Variants in FCRL1 observed in about 807,000 individuals in gnomAD.
The protein encoded by FCRL1 is Fc receptor like 1, also known as Fc receptor-like protein 1.
FCRL1 carries 34 observed loss-of-function variants against 49.2 expected under a neutral mutation model. That is an observed-to-expected ratio of 0.69 (90% CI 0.53 to 0.92). FCRL1 has a LOEUF of 0.92. FCRL1 is among the 40% of genes least tolerant of loss of function. The probability of loss-of-function intolerance (pLI) is 0.00; values close to 1 mark genes in which losing one functional copy is unlikely to be tolerated. For synonymous variants in FCRL1, 218 were observed against 201.6 expected (o/e 1.08, Z -0.69); for missense variants, 524 against 524.1 (o/e 1.00, Z 0.00).
At chr1:157,806,809 G>A (rs1022846784) in intron 2 of FCRL1, 16 of 308,424 alleles carry the variant, frequency 5.2e-5, no homozygotes, top group Non-Finnish European at 9.6e-5. Context: ...TGTGCAAACA[G>A]TGTCTCCCTC....
rs577000574 is a variant in FCRL1, at chr1:157,813,590, A to G, written c.31+6417T>C. Among the ~76,000 whole-genome samples, 1,024 of 152,260 alleles carry G rather than the reference A, an allele frequency of 6.7e-3. 6 individuals carry two copies. Among genetic ancestry groups the G allele is most frequent in the African/African-American group, 0.022 (901 of 41,564 alleles). ...AAAGTGAAGAAAGCCTACAGGACTT[A>G]TGGGACACCATTAAGTGGGCAAATA... On this transcript the variant is annotated intron_variant, in intron 1 of 10. Transcript: ENST00000368176.
intron 2 of FCRL1, among the ~76,000 whole-genome samples, chr1:157,804,842 G>C (rs890569318): frequency 6.7e-6 from 1 of 149,846 alleles, no homozygotes; most frequent in Non-Finnish European, 1.5e-5. Context: ...GGGTGTTAGG[G>C]GCTCTTTTCT....
At chr1:157,814,454 A>G (rs1196160832) in intron 1 of FCRL1, among the ~76,000 whole-genome samples, 1 of 152,016 alleles carries the variant, frequency 6.6e-6, no homozygotes, top group East Asian at 1.9e-4. Flanking sequence ...GAAAAAACTG[A>G]CAGCAGATAC....
intron 1 of FCRL1, among the ~76,000 whole-genome samples, chr1:157,813,218 A>G (rs548020780): frequency 2.0e-5 from 3 of 152,370 alleles, no homozygotes; most frequent in South Asian, 2.1e-4. Flanking sequence ...GCGAGAAAAC[A>G]TGACACCAAT....
Position 157,794,492 on chromosome 1 carries a change from G to C in FCRL1, c.*1607C>G, listed in dbSNP as rs891774638. 5.3e-5 allele frequency: 8 copies of C among 152,198 alleles called. No homozygotes were observed. Among genetic ancestry groups the C allele is most frequent in the African/African-American group, 1.9e-4 (8 of 41,516 alleles). The allele number at this position is 152,198 out of a possible 1,614,324, so 9.4% of individuals were successfully genotyped here. A position where few individuals can be genotyped will look rare whatever the true frequency, so the allele number is the denominator to read the frequency against. ...ACAAACTGATTTCCCAGACGTTGTT[G>C]GTGAAGATATAAATTGATACAGCCT... On this transcript the variant is annotated 3_prime_UTR_variant, in exon 11 of 11. Transcript: ENST00000368176.
At chr1:157,800,166 A>AT (rs1652207029) in intron 6 of FCRL1, 81 bp from the exon 7 acceptor site, 3 of 1,372,048 alleles carry the variant, frequency 2.2e-6, no homozygotes, top group Admixed American at 1.7e-5. Flanking sequence ...TACCCCCTGC[A>AT]CAGGGATATG....
rs976063661 is a variant in FCRL1 at position 157,819,932 on chromosome 1, G to A, written c.31+75C>T. 13 of 1,565,958 alleles carry A rather than the reference G, an allele frequency of 8.3e-6. No homozygotes were observed. In the African/African-American group the frequency reaches 1.5e-4, roughly 18 times the overall value. On this transcript the variant is annotated intron_variant, in intron 1 of 10. Coordinates refer to ENST00000368176, the MANE Select transcript of FCRL1 (RefSeq NM_052938.5). ...CCTGACAGAACCTTAGTCCTAAGAA[G>A]TCCTTACAGCCCTTCAGGAAGCAGA...
intron 6 of FCRL1, among the ~76,000 whole-genome samples, chr1:157,800,370 G>T (rs532182415): frequency 1.3e-5 from 2 of 152,250 alleles, no homozygotes; most frequent in East Asian, 3.9e-4. Flanking sequence ...GTATGTTTTG[G>T]TTTTGTTTTA....
chr1:157,816,918 A>G (rs113306397), intron 1 of FCRL1, among the ~76,000 whole-genome samples: 1,575 of 152,060 alleles, frequency 0.01, 9 homozygotes, highest in Non-Finnish European at 0.017. Flanking sequence ...ATAGTTATAA[A>G]ATAATAAAAT....
intron 1 of FCRL1, among the ~76,000 whole-genome samples, chr1:157,813,637 C>G (rs1315018447): frequency 6.6e-6 from 1 of 151,858 alleles, no homozygotes; most frequent in African/African-American, 2.4e-5. Flanking sequence ...AGAGTACTAG[C>G]AGAAAAAGAT....
intron 1 of FCRL1, among the ~76,000 whole-genome samples, chr1:157,810,300 CTTTTT>C (rs546970268): frequency 6.8e-6 from 1 of 146,164 alleles, no homozygotes; most frequent in African/African-American, 2.5e-5. Context: ...TTTCTTTTTT[CTTTTT>C]TTTTTTTTTA....
intron 1 of FCRL1, among the ~76,000 whole-genome samples, chr1:157,811,510 A>C (rs1446200300): frequency 6.6e-6 from 1 of 152,214 alleles, no homozygotes; most frequent in African/African-American, 2.4e-5. Context: ...GGACACCAGC[A>C]GTCTTTGTTG....
intron 1 of FCRL1, among the ~76,000 whole-genome samples, chr1:157,814,486 A>G (rs1177513345): frequency 6.6e-6 from 1 of 152,052 alleles, no homozygotes; most frequent in Non-Finnish European, 1.5e-5. Flanking sequence ...AGAGAAAGGA[A>G]TCAAAGCCTA....
At chr1:157,803,285 G>A (rs998775150) in intron 3 of FCRL1, among the ~76,000 whole-genome samples, 1 of 152,160 alleles carries the variant, frequency 6.6e-6, no homozygotes, top group Non-Finnish European at 1.5e-5. Flanking sequence ...TTGCTTCATG[G>A]CACGACAGAA....
chr1:157,796,261 C>T (rs1651457710), intron 10 of FCRL1, 91 bp from the exon 11 acceptor site: 1 of 1,016,912 alleles, frequency 9.8e-7, no homozygotes, highest in Non-Finnish European at 1.5e-6. Flanking sequence ...TGCATCTTAT[C>T]ATGGCACATC....
At chr1:157,797,732 C>G (rs950468393) in intron 9 of FCRL1, 136 bp downstream of exon 9, 6 of 1,565,040 alleles carry the variant, frequency 3.8e-6, no homozygotes, top group Non-Finnish European at 5.2e-6. Flanking sequence ...CCAAGGACAG[C>G]CATTAAGTAC....
At chr1:157,805,139 G>A (rs1340321060) in intron 2 of FCRL1, among the ~76,000 whole-genome samples, 2 of 152,202 alleles carry the variant, frequency 1.3e-5, no homozygotes, top group Non-Finnish European at 2.9e-5. Flanking sequence ...GAGTACAGGT[G>A]TGAGCCACCA....
chr1:157,795,421 G>A lies in FCRL1; in HGVS notation c.*678C>T, dbSNP rs1352913155. On this transcript the variant is annotated 3_prime_UTR_variant, in exon 11 of 11. Coordinates refer to ENST00000368176, the MANE Select transcript of FCRL1 (RefSeq NM_052938.5). ...ATTACCACGATTTCAAAAATTTTGTGAATAAAAGAAGACACACTGTATTTA... is the reference window on the plus strand; with the variant it reads ...ATTACCACGATTTCAAAAATTTTGTAAATAAAAGAAGACACACTGTATTTA... 6.6e-6 allele frequency: 1 copy of A among 152,092 alleles called. No individual in the cohort carries two copies. The highest frequency in any genetic ancestry group is 2.4e-5 in the African/African-American group (1 of 41,416). The allele number at this position is 152,092 out of a possible 1,614,324, so 9.4% of individuals were successfully genotyped here.
chr1:157,811,466 T>C (rs1294894949), intron 1 of FCRL1, among the ~76,000 whole-genome samples: 1 of 151,958 alleles, frequency 6.6e-6, no homozygotes, highest in East Asian at 1.9e-4. Flanking sequence ...AAACAAAAGG[T>C]AAAGAAGTCC....
Sources: allele counts gnomAD v4.1 joint callset (sites outside exome capture counted in the v4.1 genomes callset), GRCh38; gene constraint gnomAD v4.1.1; transcripts MANE v1.5; gene names NCBI Gene and HGNC (gene_info 2026-07-23, HGNC 2026-07-21).